Variants in VIPR2 observed in about 807,000 individuals in gnomAD.
VIPR2 encodes vasoactive intestinal polypeptide receptor 2.
VIPR2 carries 48 observed loss-of-function variants against 58.0 expected under a neutral mutation model. That is an observed-to-expected ratio of 0.83 (90% confidence interval 0.66 to 1.05). The LOEUF (loss-of-function observed/expected upper bound fraction) is 1.05, where lower values mean the gene tolerates loss of function less well. VIPR2 is among the 50% of genes least tolerant of loss of function. VIPR2 has a pLI of 0.00. For missense variants in VIPR2, 534 were observed against 558.0 expected, an observed-to-expected ratio of 0.96 and a Z score of 0.43; for synonymous variants, 243 against 235.2, an observed-to-expected ratio of 1.03 and a Z score of -0.30.
intron 6 of VIPR2, 79 bp from the exon 7 acceptor site, chr7:159,036,981 G>A: frequency 1.3e-6 from 2 of 1,506,554 alleles, no homozygotes; most frequent in South Asian, 2.6e-5. Flanking sequence ...GCCGCTCCAG[G>A]ACACAGGGCG....
chr7:159,062,046 G>A (rs1855703488), intron 4 of VIPR2, among the ~76,000 whole-genome samples: 1 of 152,238 alleles, frequency 6.6e-6, no homozygotes, highest in Admixed American at 6.5e-5. Flanking sequence ...GCCCTGCAGA[G>A]GGCGAGGTGT....
intron 4 of VIPR2, among the ~76,000 whole-genome samples, chr7:159,071,894 G>A (rs553183924): frequency 3.3e-5 from 5 of 150,702 alleles, no homozygotes; most frequent in African/African-American, 4.9e-5. Flanking sequence ...ATGAAGGCAC[G>A]ATGGTACTGG....
At chr7:159,142,410 T>TCGAGAATG in intron 2 of VIPR2, 36 bp downstream of exon 2, 1 of 1,509,376 alleles carries the variant, frequency 6.6e-7, no homozygotes, top group Non-Finnish European at 9.2e-7. Context: ...GGTGAGAATG[T>TCGAGAATG]CACGGGAGTT....
intron 4 of VIPR2, among the ~76,000 whole-genome samples, chr7:159,085,600 G>A (rs1344201582): frequency 6.6e-6 from 1 of 152,252 alleles, no homozygotes; most frequent in Admixed American, 6.5e-5. Context: ...CGGCCTCATG[G>A]TGAGTTTAAG....
intron 5 of VIPR2, among the ~76,000 whole-genome samples, chr7:159,044,897 C>T (rs2129493543): frequency 6.6e-6 from 1 of 152,160 alleles, no homozygotes; most frequent in South Asian, 2.1e-4. Flanking sequence ...TTCTGAATAG[C>T]TGGGATTACA....
chr7:159,077,110 C>T (rs1856674356), intron 4 of VIPR2, among the ~76,000 whole-genome samples: 2 of 152,236 alleles, frequency 1.3e-5, no homozygotes, highest in Admixed American at 1.3e-4. Context: ...GATGCAGTTA[C>T]ATAAATGATC....
chr7:159,063,986 C>T (rs1855926346), intron 4 of VIPR2, among the ~76,000 whole-genome samples: 1 of 151,140 alleles, frequency 6.6e-6, no homozygotes, highest in Admixed American at 6.6e-5. Flanking sequence ...GGTGCTCACA[C>T]CGGGCTGGGG....
At position 159,128,816 on chromosome 7, in the gene VIPR2, T is replaced by C. The variant is rs1761640450; in HGVS notation, c.151+13630A>G. ...CCTTCAGTGGTCTCAGCTCTGCAGG[T>C]TGGGCACGCTAACTGCTCTTCTCCC... On this transcript the variant is annotated intron_variant, in intron 2 of 12. Coordinates refer to ENST00000262178, the MANE Select transcript of VIPR2 (RefSeq NM_003382.5). The surrounding 1 kb of genome is among the most constrained non-coding windows in gnomAD (Gnocchi z 4.1). Among the ~76,000 whole-genome samples the C allele has an allele frequency of 6.6e-6, 1 of 152,154 alleles. No individual in the cohort carries two copies. Among genetic ancestry groups the C allele is most frequent in the African/African-American group, 2.4e-5 (1 of 41,430 alleles).
intron 5 of VIPR2, among the ~76,000 whole-genome samples, chr7:159,051,141 G>T (rs1585366499): frequency 6.6e-6 from 1 of 152,320 alleles, no homozygotes; most frequent in Admixed American, 6.5e-5. Context: ...ATTCCAGATG[G>T]AATCACAAAA....
intron 4 of VIPR2, among the ~76,000 whole-genome samples, chr7:159,082,165 C>T (rs1490520263): frequency 6.6e-5 from 10 of 152,176 alleles, no homozygotes; most frequent in African/African-American, 7.2e-5. Flanking sequence ...CACATGCACA[C>T]GTATGTTTAC....
intron 2 of VIPR2, among the ~76,000 whole-genome samples, chr7:159,110,620 T>C (rs1795959030): frequency 6.6e-6 from 1 of 152,246 alleles, no homozygotes. Flanking sequence ...ATTTATACTA[T>C]ATTTGAGACC....
chr7:159,069,608 C>A (rs889061976), intron 4 of VIPR2, among the ~76,000 whole-genome samples: 10 of 147,876 alleles, frequency 6.8e-5, no homozygotes, highest in Admixed American at 2.0e-4. Flanking sequence ...ATCCTGGTCT[C>A]CAACCCTGTT....
intron 4 of VIPR2, among the ~76,000 whole-genome samples, chr7:159,091,184 G>A (rs1024209122): frequency 7.2e-5 from 11 of 152,266 alleles, no homozygotes; most frequent in Non-Finnish European, 1.6e-4. Context: ...TAGAAGCATC[G>A]AATTGTGGTT....
At chr7:159,059,726 CCCT>C (rs1258499839) in intron 4 of VIPR2, among the ~76,000 whole-genome samples, 1 of 90,178 alleles carries the variant, frequency 1.1e-5, no homozygotes, top group African/African-American at 3.0e-5. Context: ...TTAACCACCA[CCCT>C]CACCTCACCT....
intron 2 of VIPR2, 147 bp from the exon 3 acceptor site, chr7:159,110,066 G>A (rs1795933255): frequency 1.4e-6 from 1 of 726,066 alleles, no homozygotes; most frequent in East Asian, 2.7e-5. Context: ...TAGTTAGCTT[G>A]TGGGTTCATC....
In VIPR2 at chr7:159,033,580, G is replaced by T. The variant is rs887642647; in HGVS notation, c.971+633C>A. On this transcript the variant is annotated intron_variant, in intron 10 of 12. Transcript: ENST00000262178. ...TCATGAATTAGCTGGATGACTGGGGGTGACTGGCTGAACGTCTGCCCTGTC... is the reference window on the plus strand; with the variant it reads ...TCATGAATTAGCTGGATGACTGGGGTTGACTGGCTGAACGTCTGCCCTGTC... Among the ~76,000 whole-genome samples, 48 of 152,170 alleles carry T rather than the reference G, an allele frequency of 3.2e-4. 1 individual carries two copies. The highest frequency in any genetic ancestry group is 1.2e-3 in the South Asian group (6 of 4,824).
In VIPR2 at chr7:159,036,791, G is replaced by T. The variant is rs78564798; in HGVS notation, c.709C>A (p.Pro237Thr). The T allele has an allele frequency of 1.8e-5, 29 of 1,613,824 alleles. No homozygotes were observed. The highest frequency in any genetic ancestry group is 2.2e-5 in the Non-Finnish European group (26 of 1,179,972). ...LHTLLVAMLP[P>T]RRCFLAYLLI... ...AGGTAGGCCAGGAAGCACCTTCTAGGGGGGAGCATGGCCACCAGGAGGGTG... is the reference window on the plus strand; with the variant it reads ...AGGTAGGCCAGGAAGCACCTTCTAGTGGGGAGCATGGCCACCAGGAGGGTG... The change falls in exon 7 of 13, where the codon CCT becomes ACT. Residue 237 changes from proline (P) to threonine (T), a missense_variant. Transcript: ENST00000262178.
At chr7:159,041,777 T>C (rs1302819581) in intron 6 of VIPR2, among the ~76,000 whole-genome samples, 1 of 152,022 alleles carries the variant, frequency 6.6e-6, no homozygotes, top group East Asian at 1.9e-4. Context: ...CTGTCAAGTG[T>C]CTGTCAAGGG....
intron 10 of VIPR2, among the ~76,000 whole-genome samples, chr7:159,032,707 G>C (rs1011961633): frequency 1.3e-5 from 2 of 152,056 alleles, no homozygotes; most frequent in African/African-American, 2.4e-5. Flanking sequence ...TGGCCTCAAG[G>C]GTGTCTCGGC....
Sources: allele counts gnomAD v4.1 joint callset (sites outside exome capture counted in the v4.1 genomes callset), GRCh38; gene constraint gnomAD v4.1.1; non-coding constraint Gnocchi (gnomAD v3.1); transcripts MANE v1.5; gene names NCBI Gene and HGNC (gene_info 2026-07-23, HGNC 2026-07-21).